The following KNOP1 variants were observed in gnomAD, a reference collection of about 807,000 sequenced individuals.
KNOP1 encodes lysine rich nucleolar protein 1, also known as lysine-rich nucleolar protein 1.
A neutral mutation model predicts 30.6 loss-of-function variants in KNOP1; 20 were observed. The ratio of observed to expected loss-of-function variants is 0.65; its 90% confidence interval spans 0.46 to 0.95. KNOP1 has a LOEUF of 0.95. Ranked by LOEUF, KNOP1 falls within the 40% of genes least tolerant of loss-of-function variation. KNOP1 has a pLI of 0.00. For synonymous variants in KNOP1, 204 were observed against 210.0 expected, an observed-to-expected ratio of 0.97 and a Z score of 0.25; for missense variants, 540 against 562.0, an observed-to-expected ratio of 0.96 and a Z score of 0.40.
At position 19,703,348 on chromosome 16, in the gene KNOP1, C is replaced by G. The variant is rs563226549; in HGVS notation, c.*3562G>C. On this transcript the variant is annotated 3_prime_UTR_variant, in exon 5 of 5. Transcript: ENST00000219837. ...TTCTTAAGTCTCTTTGATGTGGACT[C>G]TTTTTTGCCTTCCTCTTCCACATTT... 6.6e-6 allele frequency: 1 copy of G among 152,234 alleles called. No individual in the cohort carries two copies. Among genetic ancestry groups the G allele is most frequent in the Admixed American group, 6.5e-5 (1 of 15,278 alleles). The allele number at this position is 152,234 out of a possible 1,614,324, so 9.4% of individuals were successfully genotyped here. A position where few individuals can be genotyped will look rare whatever the true frequency, so the allele number is the denominator to read the frequency against.
At chr16:19,712,800 G>A (rs771253676) in intron 2 of KNOP1, among the ~76,000 whole-genome samples, 10 of 152,158 alleles carry the variant, frequency 6.6e-5, no homozygotes, top group African/African-American at 9.7e-5. Context: ...CCATCGTTTC[G>A]GCCCACACGT....
intron 2 of KNOP1, 48 bp downstream of exon 2, chr16:19,714,070 C>T (rs1976855688): frequency 6.5e-7 from 1 of 1,540,136 alleles, no homozygotes; most frequent in African/African-American, 1.4e-5. Flanking sequence ...TCCCAAACCC[C>T]ACCCTTAATT....
chr16:19,714,237 T>C lies in KNOP1; in HGVS notation c.799A>G (p.Lys267Glu). 6.2e-7 allele frequency: 1 copy of C among 1,614,118 alleles called. No homozygotes were observed. The highest frequency in any genetic ancestry group is 2.2e-5 in the East Asian group (1 of 44,860). ...TTCTTTTTGGACTTCATCTTTTTCTTTGCGGAGGCCTTAGGGTCATCACTT... is the reference window on the plus strand; with the variant it reads ...TTCTTTTTGGACTTCATCTTTTTCTCTGCGGAGGCCTTAGGGTCATCACTT... ...PISDDPKASA[K>E]KKMKSKKKVE... The change falls in exon 2 of 5, where the codon AAG (lysine) becomes GAG (glutamate). Residue 267 changes from lysine to glutamate, a missense_variant. Physicochemically the swap from Lys to Glu is moderately conservative, Grantham distance 56. Transcript: ENST00000219837.
chr16:19,710,873 C>T (rs374656268), intron 3 of KNOP1, among the ~76,000 whole-genome samples: 1 of 146,888 alleles, frequency 6.8e-6, no homozygotes, highest in Admixed American at 7.0e-5. Flanking sequence ...GATCACGCCA[C>T]GGCACTCCAG....
At chr16:19,715,400 T>A in intron 1 of KNOP1, 2 of 167,404 alleles carry the variant, frequency 1.2e-5, no homozygotes, top group Non-Finnish European at 2.5e-5. Context: ...GTTAATTCCC[T>A]TTTTCTTTTT....
Position 19,706,663 on chromosome 16 carries a change from C to A in KNOP1, c.*247G>T, listed in dbSNP as rs34069083. ...CCAAGCCCATCAATATAGTTGTCCT[C>A]GTCCTTAATCTCCACAGGTGTTCAA... is the stretch of plus-strand genomic sequence containing the variant. On this transcript the variant is annotated 3_prime_UTR_variant, in exon 5 of 5. Transcript: ENST00000219837. The A allele has an allele frequency of 0.019, 9,296 of 482,114 alleles. 139 individuals are homozygous for A. Among genetic ancestry groups the A allele is most frequent in the South Asian group, 0.035 (1,494 of 42,442 alleles). 29.9% of individuals were successfully genotyped at this position (482,114 alleles called of 1,614,324 possible). A position where few individuals can be genotyped will look rare whatever the true frequency, so the allele number is the denominator to read the frequency against.
In KNOP1 at chr16:19,706,990, C is replaced by G. The variant is rs1032319214; in HGVS notation, c.1297G>C (p.Gly433Arg). 2 of 1,613,892 alleles carry G rather than the reference C, an allele frequency of 1.2e-6. No individual in the cohort carries two copies. The highest frequency in any genetic ancestry group is 1.1e-5 in the South Asian group (1 of 91,054). Residue 433 changes from glycine to arginine, a missense_variant, in exon 5 of 5, where the codon GGC (glycine) becomes CGC (arginine). Gly to Arg is a moderately radical substitution (Grantham distance 125). Coordinates refer to ENST00000219837, the MANE Select transcript of KNOP1 (RefSeq NM_001012991.3). ...AMSWKYSRGA[G>R]LGFSTAPNKI... is the part of the protein sequence containing the mutation. ...TTGGGGGCGGTGGAGAAGCCGAGGC[C>G]GGCTCCCCGGCTGTACTTCCAGCTC...
chr16:19,716,914 C>CA lies in KNOP1; in HGVS notation c.-3+1243_-3+1244insT, dbSNP rs1397064599. Among the ~76,000 whole-genome samples the CA allele has an allele frequency of 2.0e-4, 30 of 152,370 alleles. No homozygotes were observed. The East Asian group carries it at 5.6e-3, about 28-fold the overall frequency. ...CTGGAGTGCAGTGGCATCATCTCGG[C>CA]TCACTGCAACCTCCACCTCCCGGGT... On this transcript the variant is annotated intron_variant, in intron 1 of 4. Transcript: ENST00000219837.
At position 19,705,114 on chromosome 16, in the gene KNOP1, A is replaced by G. The variant is rs1976305732; in HGVS notation, c.*1796T>C. The G allele has an allele frequency of 2.2e-6, 1 of 455,058 alleles. No homozygotes were observed. Among genetic ancestry groups the G allele is most frequent in the South Asian group, 1.6e-5 (1 of 64,402 alleles). 28.2% of individuals were successfully genotyped at this position (455,058 alleles called of 1,614,324 possible). A position where few individuals can be genotyped will look rare whatever the true frequency, so the allele number is the denominator to read the frequency against. On this transcript the variant is annotated 3_prime_UTR_variant, in exon 5 of 5. Coordinates refer to ENST00000219837, the MANE Select transcript of KNOP1 (RefSeq NM_001012991.3). ...GGCTTTTCTTCCTCTGGAATGTTCT[A>G]GGGTCTTGATATGCTGCCTGGAACT... is the stretch of plus-strand genomic sequence containing the variant.
At chr16:19,707,812 T>C (rs1976479615) in intron 4 of KNOP1, among the ~76,000 whole-genome samples, 3 of 72,424 alleles carry the variant, frequency 4.1e-5, no homozygotes, top group South Asian at 5.6e-4. Context: ...ACTCTCCCCC[T>C]ACCATCCTAC....
Position 19,706,838 on chromosome 16 carries a change from A to C in KNOP1, c.*72T>G. The C allele has an allele frequency of 6.6e-7, 1 of 1,526,340 alleles. No individual in the cohort carries two copies. 94.5% of individuals were successfully genotyped at this position (1,526,340 alleles called of 1,614,324 possible). ...AAGATCTGATTTTTTCACAAAAAAA[A>C]TTTGTAATCTCCAGCATAAATGGAA... On this transcript the variant is annotated 3_prime_UTR_variant, in exon 5 of 5. Coordinates refer to ENST00000219837, the MANE Select transcript of KNOP1 (RefSeq NM_001012991.3).
intron 2 of KNOP1, chr16:19,711,646 C>T: frequency 1.7e-6 from 1 of 591,274 alleles, no homozygotes; most frequent in East Asian, 2.8e-5. Flanking sequence ...AACAGTAGTA[C>T]TAAACTATTT....
chr16:19,708,542 A>T (rs1976540729), intron 4 of KNOP1, among the ~76,000 whole-genome samples: 1 of 152,128 alleles, frequency 6.6e-6, no homozygotes, highest in Non-Finnish European at 1.5e-5. Context: ...CCAAAAGCCC[A>T]GTGCACGATG....
At chr16:19,711,288 C>T in intron 3 of KNOP1, 84 bp downstream of exon 3, 1 of 1,417,746 alleles carries the variant, frequency 7.1e-7, no homozygotes. Flanking sequence ...ACCAGGATCA[C>T]CTAGCCAGCC....
chr16:19,714,757 T>C lies in KNOP1; in HGVS notation c.279A>G (p.Thr93=), dbSNP rs1005437383. ...GCTTCCTGAGGCTGGGTGACTTCTCTGTCCGTCTAGCAGGCAGCGTGGTCT... is the reference window on the plus strand; with the variant it reads ...GCTTCCTGAGGCTGGGTGACTTCTCCGTCCGTCTAGCAGGCAGCGTGGTCT... The part of the protein sequence containing the change: ...EPETTLPARR[T]EKSPSLRKQV... Residue 93 remains threonine (T), a synonymous_variant, in exon 2 of 5, where the codon ACA becomes ACG. Transcript: ENST00000219837. 2.5e-6 allele frequency: 4 copies of C among 1,614,112 alleles called. No homozygotes were observed. The highest frequency in any genetic ancestry group is 3.4e-6 in the Non-Finnish European group (4 of 1,180,052).
In KNOP1 at chr16:19,706,839, T is replaced by A. The variant is rs1976376036; in HGVS notation, c.*71A>T. The A allele has an allele frequency of 1.3e-6, 2 of 1,524,702 alleles. No individual in the cohort carries two copies. The highest frequency in any genetic ancestry group is 2.3e-5 in the East Asian group (1 of 44,138). The allele number at this position is 1,524,702 out of a possible 1,614,324, so 94.4% of individuals were successfully genotyped here. On this transcript the variant is annotated 3_prime_UTR_variant, in exon 5 of 5. Coordinates refer to ENST00000219837, the MANE Select transcript of KNOP1 (RefSeq NM_001012991.3). ...AGATCTGATTTTTTCACAAAAAAAA[T>A]TTGTAATCTCCAGCATAAATGGAAT...
chr16:19,714,548 G>A lies in KNOP1; in HGVS notation c.488C>T (p.Ala163Val), dbSNP rs748670501. The A allele has an allele frequency of 6.2e-7, 1 of 1,614,166 alleles. No individual in the cohort carries two copies. The highest frequency in any genetic ancestry group is 1.3e-5 in the African/African-American group (1 of 75,036). ...KEKKGAQDPT[A>V]FSVQDPWFCE... is the part of the protein sequence containing the mutation. ...GAACCAAGGGTCCTGGACCGAGAAG[G>A]CTGTGGGGTCCTGGGCCCCCTTTTT... Residue 163 changes from alanine (A) to valine (V), a missense_variant, in exon 2 of 5, where the codon GCC (alanine) becomes GTC (valine). Coordinates refer to ENST00000219837, the MANE Select transcript of KNOP1 (RefSeq NM_001012991.3).
Position 19,718,165 on chromosome 16 carries a change from C to A in KNOP1, c.-10G>T. 6.8e-7 allele frequency: 1 copy of A among 1,477,270 alleles called. No individual in the cohort carries two copies. Among genetic ancestry groups the A allele is most frequent in the Non-Finnish European group, 8.9e-7 (1 of 1,118,664 alleles). 91.5% of individuals were successfully genotyped at this position (1,477,270 alleles called of 1,614,324 possible). ...ACGCGCCCTGGCACTCACCGGTGGG[C>A]GAAATTTCCCCGCCTCCACGTGAGA... On this transcript the variant is annotated 5_prime_UTR_variant, in exon 1 of 5. Transcript: ENST00000219837.
intron 3 of KNOP1, 61 bp from the exon 4 acceptor site, chr16:19,710,647 C>T: frequency 7.0e-7 from 1 of 1,426,542 alleles, no homozygotes. Context: ...AAGCTTAAAA[C>T]CCAGGACAGA....
Sources: allele counts gnomAD v4.1 joint callset (sites outside exome capture counted in the v4.1 genomes callset), GRCh38; gene constraint gnomAD v4.1.1; transcripts MANE v1.5; gene names NCBI Gene and HGNC (gene_info 2026-07-23, HGNC 2026-07-21).